EIF4G1: variants seen among roughly 807,000 people sequenced by gnomAD.
EIF4G1 encodes the protein eukaryotic translation initiation factor 4 gamma 1, also known as EIF4-gamma.
In EIF4G1, 4 loss-of-function variants were observed where a neutral mutation model predicts 187.8. The ratio of observed to expected loss-of-function variants is 0.02; its 90% CI spans 0.01 to 0.05. EIF4G1 has a LOEUF of 0.05. Ranked by LOEUF, EIF4G1 falls within the 10% of genes least tolerant of loss-of-function variation. The pLI, the probability that EIF4G1 is intolerant of heterozygous loss-of-function variation, is 1.00. For synonymous variants in EIF4G1, 844 were observed against 781.4 expected (o/e 1.08, Z -1.34); for missense variants, 1,647 against 2,081.1 (o/e 0.79, Z 4.06).
At chr3:184,322,221 AG>A (rs1724024431) in intron 10 of EIF4G1, 118 bp downstream of exon 10, 3 of 1,561,998 alleles carry the variant, frequency 1.9e-6, no homozygotes, top group Non-Finnish European at 2.6e-6. Context: ...TCTAAGAACT[AG>A]ATTAAGGACT....
intron 3 of EIF4G1, 30 bp from the exon 4 acceptor site, chr3:184,316,102 T>C: frequency 6.2e-7 from 1 of 1,613,952 alleles, no homozygotes. Flanking sequence ...GGGCTTCCCC[T>C]CTTGCTGAAC....
At chr3:184,333,348 C>T (rs1726503284) in intron 32 of EIF4G1, among the ~76,000 whole-genome samples, 1 of 152,106 alleles carries the variant, frequency 6.6e-6, no homozygotes, top group African/African-American at 2.4e-5. Context: ...AAGAAGAGAT[C>T]AGGGCAGGAG....
At chr3:184,316,055 T>C in intron 3 of EIF4G1, 77 bp from the exon 4 acceptor site, 1 of 1,594,750 alleles carries the variant, frequency 6.3e-7, no homozygotes, top group Non-Finnish European at 8.5e-7. Context: ...GCAGATCTGC[T>C]CCCCTTATTT....
intron 28 of EIF4G1, among the ~76,000 whole-genome samples, chr3:184,330,751 TA>T (rs1239418100): frequency 6.6e-6 from 1 of 152,102 alleles, no homozygotes; most frequent in Non-Finnish European, 1.5e-5. Flanking sequence ...TTATTATTAT[TA>T]TTTTTTTGAG....
Position 184,325,862 on chromosome 3 carries a change from C to A in EIF4G1, c.3133C>A (p.Pro1045Thr). The change falls in exon 21 of 33, where the codon CCC becomes ACC. Residue 1045 changes from proline (P) to threonine (T), a missense_variant. By Grantham distance (38) the Pro-to-Thr change is conservative. Around this residue, in one of 11 missense-constraint regions of EIF4G1, gnomAD observed 142 missense variants for 296.6 expected, o/e 0.48. Transcript: ENST00000346169. The surrounding 1 kb of genome is among the most constrained non-coding windows in gnomAD (Gnocchi z 5.2). ...PPGPPISRGL[P>T]LVDDGGWNTV... ...TCTTTTTGTGTCAGGCCGTGGACTT[C>A]CCCTTGTGGATGATGGTGGCTGGAA... 6.2e-7 allele frequency: 1 copy of A among 1,614,094 alleles called. No individual in the cohort carries two copies. The highest frequency in any genetic ancestry group is 1.1e-5 in the South Asian group (1 of 91,078).
At chr3:184,317,280 C>A in intron 4 of EIF4G1, 41 bp from the exon 5 acceptor site, 1 of 1,612,140 alleles carries the variant, frequency 6.2e-7, no homozygotes, top group Non-Finnish European at 8.5e-7. Flanking sequence ...TGTCCACTTC[C>A]TTCTCTTTAC....
intron 1 of EIF4G1, chr3:184,315,285 G>T (rs529190366): frequency 2.2e-6 from 1 of 462,746 alleles, no homozygotes; most frequent in Non-Finnish European, 4.3e-6. Context: ...CCCAGTGCGG[G>T]TTCCCCGGCG....
Position 184,323,309 on chromosome 3 carries a change from C to T in EIF4G1, c.2088+68C>T. 6.2e-7 allele frequency: 1 copy of T among 1,611,690 alleles called. No homozygotes were observed. Among genetic ancestry groups the T allele is most frequent in the Non-Finnish European group, 8.5e-7 (1 of 1,178,296 alleles). On this transcript the variant is annotated intron_variant, in intron 14 of 32. Coordinates refer to ENST00000346169, the MANE Select transcript of EIF4G1 (RefSeq NM_198241.3). The surrounding 1 kb of genome is among the most constrained non-coding windows in gnomAD (Gnocchi z 6.9). ...AGTGGATGATTCCGTGTCTCAGTGC[C>T]CGCGGGGAGGGGTTTGCCCTGGAGG...
At chr3:184,320,257 A>G in intron 7 of EIF4G1, 1 of 1,226,292 alleles carries the variant, frequency 8.2e-7, no homozygotes, top group East Asian at 4.9e-5. Context: ...CACCTACTGG[A>G]TCTGGGCCCT....
chr3:184,333,226 G>C (rs1435547540), intron 32 of EIF4G1, among the ~76,000 whole-genome samples: 1 of 152,214 alleles, frequency 6.6e-6, no homozygotes. Flanking sequence ...AGAGGCCATA[G>C]TGTGATGTCA....
intron 22 of EIF4G1, 95 bp from the exon 23 acceptor site, chr3:184,326,786 T>C (rs998626281): frequency 6.5e-7 from 1 of 1,543,202 alleles, no homozygotes; most frequent in African/African-American, 1.4e-5. Flanking sequence ...CTGCTTTACT[T>C]TTGGGACTGG....
Position 184,326,939 on chromosome 3 carries a change from A to G in EIF4G1, c.3384A>G (p.Gln1128=), listed in dbSNP as rs1725041267. ...STLNRFSALQ[Q]AVPTESTDNR... is the part of the protein sequence containing the mutation. ...TGAATCGCTTCTCAGCCCTTCAACA[A>G]GCGGTACCCACAGAAAGCACAGATA... Residue 1128 remains glutamine, a synonymous_variant, in exon 23 of 33, where the codon CAA becomes CAG. Transcript: ENST00000346169. The G allele has an allele frequency of 6.2e-7, 1 of 1,614,208 alleles. No homozygotes were observed. Among genetic ancestry groups the G allele is most frequent in the Admixed American group, 1.7e-5 (1 of 60,022 alleles).
rs781199378 is a variant in EIF4G1 at position 184,327,607 on chromosome 3, C to T, written c.3683C>T (p.Pro1228Leu). The change falls in exon 25 of 33, where the codon CCC (proline) becomes CTC (leucine). Residue 1228 changes from proline to leucine, a missense_variant. Pro to Leu is a moderately conservative substitution (Grantham distance 98). Transcript: ENST00000346169. The part of the protein sequence containing the change: ...RDAVKREAAL[P>L]PVSPLKAALS... ...ACAGTGAAGCGAGAAGCTGCCCTAC[C>T]CCCAGTGAGCCCCCTGAAGGCGGCT... 3 of 1,614,016 alleles carry T rather than the reference C, an allele frequency of 1.9e-6. No individual in the cohort carries two copies. The African/African-American group carries it at 4.0e-5, about 22-fold the overall frequency.
At chr3:184,320,827 T>C in intron 8 of EIF4G1, 100 bp from the exon 9 acceptor site, 2 of 1,605,752 alleles carry the variant, frequency 1.2e-6, no homozygotes, top group South Asian at 1.1e-5. Flanking sequence ...ATTTCCCTGC[T>C]TTCCTGGATT....
intron 10 of EIF4G1, 107 bp from the exon 11 acceptor site, chr3:184,322,243 AAAAGGGTGATGC>A: frequency 1.3e-6 from 2 of 1,533,888 alleles, no homozygotes; most frequent in South Asian, 2.3e-5. Context: ...TTTAAGCCTA[AAAAGGGTGATGC>A]AAAGGGGAAA....
chr3:184,328,951 C>G lies in EIF4G1; in HGVS notation c.4122C>G (p.Ser1374=). ...KPLRPLGKAA[S]LLLEILGLLC... is the part of the protein sequence containing the mutation. ...TGAGACCGTTGGGCAAAGCTGCTTC[C>G]CTGTTGCTGGAGATCCTGGGCCTCC... The change falls in exon 28 of 33, where the codon TCC becomes TCG. Residue 1374 remains serine, a synonymous_variant. Coordinates refer to ENST00000346169, the MANE Select transcript of EIF4G1 (RefSeq NM_198241.3). 1.2e-6 allele frequency: 2 copies of G among 1,614,140 alleles called. No individual in the cohort carries two copies. The highest frequency in any genetic ancestry group is 8.5e-7 in the Non-Finnish European group (1 of 1,180,032).
In EIF4G1 at chr3:184,327,439, C is replaced by A; in HGVS notation, c.3652C>A (p.Arg1218=). 6.2e-7 allele frequency: 1 copy of A among 1,613,490 alleles called. No homozygotes were observed. The highest frequency in any genetic ancestry group is 1.7e-5 in the Admixed American group (1 of 60,034). ...CCTCACGGAGGATCGGGACCGTGGGCGGGATGCCGGTGAGAGTCTGGGAGA... is the reference window on the plus strand; with the variant it reads ...CCTCACGGAGGATCGGGACCGTGGGAGGGATGCCGGTGAGAGTCTGGGAGA... The part of the protein sequence containing the change: ...ASLTEDRDRG[R]DAVKREAALP... Residue 1218 remains arginine, a synonymous_variant, in exon 24 of 33, where the codon CGG becomes AGG. Coordinates refer to ENST00000346169, the MANE Select transcript of EIF4G1 (RefSeq NM_198241.3).
rs558267329 is a variant in EIF4G1, at chr3:184,325,450, A to G, written c.2962-30A>G. 2.8e-5 allele frequency: 45 copies of G among 1,614,110 alleles called. No homozygotes were observed. The East Asian group carries it at 8.7e-4, about 31-fold the overall frequency. On this transcript the variant is annotated intron_variant, in intron 19 of 32. Coordinates refer to ENST00000346169, the MANE Select transcript of EIF4G1 (RefSeq NM_198241.3). The surrounding 1 kb of genome is among the most constrained non-coding windows in gnomAD (Gnocchi z 5.2). The stretch of plus-strand genomic sequence containing the variant: ...ACTGCCTTGTCTTGCCTTCCCTGAC[A>G]TCATCGTGACTGGCCCTCTGTCTCC...
intron 32 of EIF4G1, among the ~76,000 whole-genome samples, chr3:184,333,043 T>C (rs1038526889): frequency 6.6e-6 from 1 of 152,012 alleles, no homozygotes; most frequent in Non-Finnish European, 1.5e-5. Context: ...GATGTGGCAG[T>C]GTTAGCACCA....
Sources: allele counts gnomAD v4.1 joint callset (sites outside exome capture counted in the v4.1 genomes callset), GRCh38; gene constraint gnomAD v4.1.1; regional missense constraint gnomAD v4.1.1; non-coding constraint Gnocchi (gnomAD v3.1); transcripts MANE v1.5; gene names NCBI Gene and HGNC (gene_info 2026-07-23, HGNC 2026-07-21).